WDR17: variants seen among roughly 807,000 people sequenced by gnomAD.
WDR17 encodes WD repeat domain 17.
WDR17 carries 143 observed loss-of-function variants against 161.7 expected under a neutral mutation model. The ratio of observed to expected loss-of-function variants is 0.88; its 90% CI spans 0.77 to 1.02. The LOEUF is 1.02. Among genes scored for constraint, WDR17 ranks in the 50% least tolerant of loss-of-function variants. The pLI, the probability that WDR17 is intolerant of heterozygous loss-of-function variation, is 0.00. For synonymous variants in WDR17, 517 were observed against 515.6 expected (o/e 1.00, Z -0.04); for missense variants, 1,469 against 1,520.9 (o/e 0.97, Z 0.57).
intron 28 of WDR17, among the ~76,000 whole-genome samples, chr4:176,178,098 A>G (rs1223127682): frequency 6.6e-6 from 1 of 150,932 alleles, no homozygotes; most frequent in Non-Finnish European, 1.5e-5. Context: ...ATGTAATGTG[A>G]AAAGTCACAT....
intron 1 of WDR17, among the ~76,000 whole-genome samples, chr4:176,091,588 T>C (rs938159452): frequency 6.6e-6 from 1 of 151,884 alleles, no homozygotes; most frequent in Non-Finnish European, 1.5e-5. Flanking sequence ...TAAAGAACTA[T>C]AAAAGCAAGA....
chr4:176,170,060 A>T (rs1440219614), intron 23 of WDR17, among the ~76,000 whole-genome samples: 1 of 152,198 alleles, frequency 6.6e-6, no homozygotes, highest in Admixed American at 6.5e-5. Context: ...GCAGATGTTA[A>T]TATCAAGACT....
At chr4:176,112,038 G>A (rs1005307931) in intron 2 of WDR17, among the ~76,000 whole-genome samples, 3 of 152,008 alleles carry the variant, frequency 2.0e-5, no homozygotes, top group Non-Finnish European at 2.9e-5. Flanking sequence ...TATGTTTTTC[G>A]TGTCCTAGCT....
intron 1 of WDR17, among the ~76,000 whole-genome samples, chr4:176,110,490 C>A (rs1579074428): frequency 6.6e-6 from 1 of 152,160 alleles, no homozygotes. Context: ...GGCTTGGATT[C>A]TACCTTTAAA....
At position 176,167,869 on chromosome 4, in the gene WDR17, G is replaced by A. The variant is rs147407304; in HGVS notation, c.2991-803G>A. Among the ~76,000 whole-genome samples the A allele has an allele frequency of 4.3e-3, 653 of 151,844 alleles. 7 individuals are homozygous for A. Among genetic ancestry groups the A allele is most frequent in the African/African-American group, 0.015 (605 of 41,432 alleles). ...TGGATCTTTAATAAGTAAATAGGCC[G>A]GTCTCGGTGGCTCATGCCTGTAATC... On this transcript the variant is annotated intron_variant, in intron 22 of 28. Coordinates refer to ENST00000508596, the MANE Select transcript of WDR17 (RefSeq NM_181265.4).
At position 176,131,727 on chromosome 4, in the gene WDR17, C is replaced by T; in HGVS notation, c.1087C>T (p.Leu363Phe). 1 of 1,610,164 alleles carries T rather than the reference C, an allele frequency of 6.2e-7. No individual in the cohort carries two copies. Among genetic ancestry groups the T allele is most frequent in the Non-Finnish European group, 8.5e-7 (1 of 1,178,374 alleles). ...TATGGGAGCTAAGAAGTGGGATTTTCTTAGAGACTTGGTATGTATGTAGTC... is the reference window on the plus strand; with the variant it reads ...TATGGGAGCTAAGAAGTGGGATTTTTTTAGAGACTTGGTATGTATGTAGTC... ...YDMGAKKWDF[L>F]RDLGHVETIF... Residue 363 changes from leucine (L) to phenylalanine (F), a missense_variant, in exon 7 of 29, where the codon CTT becomes TTT. Coordinates refer to ENST00000508596, the MANE Select transcript of WDR17 (RefSeq NM_181265.4).
At chr4:176,177,679 ATG>A in intron 28 of WDR17, 25 bp downstream of exon 28, 2 of 1,436,644 alleles carry the variant, frequency 1.4e-6, no homozygotes, top group Non-Finnish European at 1.9e-6. Context: ...CAGACATAAC[ATG>A]TGTATTTCAC....
intron 1 of WDR17, among the ~76,000 whole-genome samples, chr4:176,107,367 G>A (rs915640095): frequency 6.7e-6 from 1 of 150,282 alleles, no homozygotes; most frequent in Admixed American, 6.7e-5. Context: ...GTGGAAAACA[G>A]TATGGTAGTT....
chr4:176,068,608 TAAAG>T (rs1732820047), intron 1 of WDR17, among the ~76,000 whole-genome samples: 1 of 152,070 alleles, frequency 6.6e-6, no homozygotes, highest in South Asian at 2.1e-4. Flanking sequence ...TCAAAAAAAT[TAAAG>T]AAAAGAAAAA....
chr4:176,099,143 T>C (rs1266792844), intron 1 of WDR17, among the ~76,000 whole-genome samples: 1 of 152,160 alleles, frequency 6.6e-6, no homozygotes, highest in Non-Finnish European at 1.5e-5. Flanking sequence ...GCTTAGAAGT[T>C]GCTACTCCAT....
intron 1 of WDR17, among the ~76,000 whole-genome samples, chr4:176,076,386 A>G (rs1734024110): frequency 7.0e-6 from 1 of 143,662 alleles, no homozygotes; most frequent in African/African-American, 2.6e-5. Context: ...TTTTTAACCC[A>G]GTAAATGAGT....
In WDR17 at chr4:176,163,236, C is replaced by A; in HGVS notation, c.2933C>A (p.Pro978Gln). The change falls in exon 22 of 29, where the codon CCA (proline) becomes CAA (glutamine). Residue 978 changes from proline (P) to glutamine (Q), a missense_variant. Pro to Gln is a moderately conservative substitution (Grantham distance 76). Coordinates refer to ENST00000508596, the MANE Select transcript of WDR17 (RefSeq NM_181265.4). ...VGTVLGESAA[P>Q]ATHYALELLA... is the part of the protein sequence containing the mutation. ...ACAGTACTAGGAGAGTCTGCAGCAC[C>A]AGCAACCCACTATGCCTTAGAATTA... 6.2e-7 allele frequency: 1 copy of A among 1,613,760 alleles called. No individual in the cohort carries two copies. Among genetic ancestry groups the A allele is most frequent in the Non-Finnish European group, 8.5e-7 (1 of 1,179,876 alleles).
chr4:176,101,526 A>T (rs948903691), intron 1 of WDR17, among the ~76,000 whole-genome samples: 4 of 152,184 alleles, frequency 2.6e-5, no homozygotes, highest in Non-Finnish European at 2.9e-5. Flanking sequence ...AAAAACTACA[A>T]TTAATTTGCT....
rs1752125697 is a variant in WDR17 at position 176,181,255 on chromosome 4, T to A, written c.*1676T>A. The stretch of plus-strand genomic sequence containing the variant: ...AGGCCGAGATGGGCAGATCTTGAGG[T>A]CGGTAGATGGAGACCATCCTGGCCA... On this transcript the variant is annotated 3_prime_UTR_variant, in exon 29 of 29. Transcript: ENST00000508596. 1 of 151,458 alleles carries A rather than the reference T, an allele frequency of 6.6e-6. No individual in the cohort carries two copies. Among genetic ancestry groups the A allele is most frequent in the African/African-American group, 2.4e-5 (1 of 41,248 alleles). 9.4% of individuals were successfully genotyped at this position (151,458 alleles called of 1,614,324 possible).
intron 1 of WDR17, among the ~76,000 whole-genome samples, chr4:176,081,542 T>A (rs1165411640): frequency 6.6e-6 from 1 of 152,138 alleles, no homozygotes; most frequent in Non-Finnish European, 1.5e-5. Flanking sequence ...TTTATTTGTG[T>A]CTATTAGAAA....
chr4:176,137,437 T>C, intron 8 of WDR17, 83 bp from the exon 9 acceptor site: 2 of 1,129,722 alleles, frequency 1.8e-6, no homozygotes, highest in Non-Finnish European at 2.6e-6. Flanking sequence ...TCACAGTTCT[T>C]ACATTTTCAC....
rs1751654317 is a variant in WDR17 at position 176,177,760 on chromosome 4, G to A, written c.3732+106G>A. 2.6e-6 allele frequency: 3 copies of A among 1,155,978 alleles called. No individual in the cohort carries two copies. In the Admixed American group the frequency reaches 9.2e-5, roughly 35 times the overall value. 71.6% of individuals were successfully genotyped at this position (1,155,978 alleles called of 1,614,324 possible). On this transcript the variant is annotated intron_variant, in intron 28 of 28. Coordinates refer to ENST00000508596, the MANE Select transcript of WDR17 (RefSeq NM_181265.4). ...ATTTGGATAAAAGTAGGTAATTTAG[G>A]ACTGGGGTCCAGTAAGGAAATATTA...
At chr4:176,168,980 T>C (rs968667948) in intron 23 of WDR17, among the ~76,000 whole-genome samples, 197 bp downstream of exon 23, 2 of 152,194 alleles carry the variant, frequency 1.3e-5, no homozygotes, top group African/African-American at 4.8e-5. Context: ...CTTCTAAATC[T>C]TTACATGTAT....
chr4:176,084,374 C>T (rs1466726713), intron 1 of WDR17, among the ~76,000 whole-genome samples: 3 of 152,152 alleles, frequency 2.0e-5, no homozygotes, highest in South Asian at 4.1e-4. Context: ...TAACAACCAG[C>T]TTTCCTGGGA....
Sources: gnomAD v4.1 joint callset for allele counts (sites outside exome capture counted in the v4.1 genomes callset) on GRCh38, gnomAD v4.1.1 for gene constraint, MANE v1.5 for transcripts, NCBI Gene and HGNC (gene_info 2026-07-23, HGNC 2026-07-21) for gene names.